The following IPO7 variants were observed in gnomAD, a reference collection of about 807,000 sequenced individuals.
IPO7 encodes the protein importin-7.
IPO7 carries 13 observed loss-of-function variants against 136.4 expected under a neutral mutation model. The ratio of observed to expected loss-of-function variants is 0.10; its 90% CI spans 0.06 to 0.15. The LOEUF (loss-of-function observed/expected upper bound fraction) is 0.15. IPO7 is among the 10% of genes least tolerant of loss of function. The pLI is 1.00. For missense variants in IPO7, 857 were observed against 1,240.6 expected, an observed-to-expected ratio of 0.69 and a Z score of 4.65; for synonymous variants, 403 against 404.4, an observed-to-expected ratio of 1.00 and a Z score of 0.04.
chr11:9,427,928 T>C (rs1007656818), intron 12 of IPO7, among the ~76,000 whole-genome samples: 7 of 152,228 alleles, frequency 4.6e-5, no homozygotes, highest in Non-Finnish European at 7.3e-5. Flanking sequence ...AAGTGTCTTA[T>C]GTTTTTAATG....
intron 12 of IPO7, among the ~76,000 whole-genome samples, chr11:9,426,675 T>C (rs1855213491): frequency 6.6e-6 from 1 of 152,246 alleles, no homozygotes; most frequent in South Asian, 2.1e-4. Context: ...AAATTTTTCA[T>C]GTGCTTACTA....
chr11:9,401,616 T>C (rs1011600362), intron 1 of IPO7, among the ~76,000 whole-genome samples: 2 of 152,034 alleles, frequency 1.3e-5, no homozygotes, highest in Non-Finnish European at 2.9e-5. Context: ...ATATGTAACC[T>C]TTTTGTACCA....
chr11:9,426,233 T>G (rs1855205433), intron 12 of IPO7, among the ~76,000 whole-genome samples: 1 of 152,120 alleles, frequency 6.6e-6, no homozygotes, highest in Non-Finnish European at 1.5e-5. Flanking sequence ...TTTCTATGGA[T>G]TTGTTTATTG....
At chr11:9,429,248 G>A in intron 14 of IPO7, 52 bp downstream of exon 14, 1 of 1,446,762 alleles carries the variant, frequency 6.9e-7, no homozygotes, top group Non-Finnish European at 9.6e-7. Context: ...GGTGCGGTAG[G>A]TCACACCTGT....
At chr11:9,405,214 G>A (rs1472184493) in intron 2 of IPO7, among the ~76,000 whole-genome samples, 1 of 151,704 alleles carries the variant, frequency 6.6e-6, no homozygotes, top group Non-Finnish European at 1.5e-5. Context: ...TTGCTCTGTC[G>A]CCCAGACTGG....
intron 2 of IPO7, among the ~76,000 whole-genome samples, chr11:9,407,951 T>G (rs978166290): frequency 6.6e-6 from 1 of 152,238 alleles, no homozygotes; most frequent in Non-Finnish European, 1.5e-5. Context: ...TAGCAATCTG[T>G]AATTTCTGAA....
chr11:9,425,783 G>A (rs1488077302), intron 12 of IPO7, among the ~76,000 whole-genome samples: 1 of 151,990 alleles, frequency 6.6e-6, no homozygotes, highest in Non-Finnish European at 1.5e-5. Flanking sequence ...GGAGGCTGAG[G>A]CAGGAGAATG....
rs373923953 is a variant in IPO7, at chr11:9,428,980, G to C, written c.1426-51G>C. On this transcript the variant is annotated intron_variant, in intron 13 of 24. Transcript: ENST00000379719. ...AACTCAGGGAATAGAGATTAGCTTG[G>C]GGGAATTTAAGGTAAGGTATCTACA... The C allele has an allele frequency of 2.1e-5, 31 of 1,497,832 alleles. No homozygotes were observed. The African/African-American group carries it at 3.9e-4, about 19-fold the overall frequency. 92.8% of individuals were successfully genotyped at this position (1,497,832 alleles called of 1,614,324 possible).
In IPO7 at chr11:9,433,849, G is replaced by A; in HGVS notation, c.2074+3G>A. On this transcript the variant is annotated splice_donor_region_variant and intron_variant, in intron 18 of 24. Coordinates refer to ENST00000379719, the MANE Select transcript of IPO7 (RefSeq NM_006391.3). The stretch of plus-strand genomic sequence containing the variant: ...AGATGGCTTTGATTACTTTACAGGT[G>A]AGTCAAAGCAGCATGGAAATACTGA... 1 of 1,608,658 alleles carries A rather than the reference G, an allele frequency of 6.2e-7. No individual in the cohort carries two copies. Among genetic ancestry groups the A allele is most frequent in the South Asian group, 1.1e-5 (1 of 90,888 alleles).
intron 15 of IPO7, 124 bp downstream of exon 15, chr11:9,429,958 T>C (rs1250029051): frequency 1.6e-6 from 1 of 622,554 alleles, no homozygotes; most frequent in Non-Finnish European, 2.7e-6. Context: ...CTGGGATCGG[T>C]TTCATGGAAG....
intron 24 of IPO7, among the ~76,000 whole-genome samples, chr11:9,443,891 C>T (rs1855492520): frequency 6.6e-6 from 1 of 151,706 alleles, no homozygotes; most frequent in Non-Finnish European, 1.5e-5. Flanking sequence ...CAGAGTGAGA[C>T]CCCGTCTCCA....
At chr11:9,411,111 G>A (rs567177594) in intron 4 of IPO7, among the ~76,000 whole-genome samples, 1 of 152,290 alleles carries the variant, frequency 6.6e-6, no homozygotes, top group South Asian at 2.1e-4. Context: ...AAATTGGAGA[G>A]AATAAAAACA....
In IPO7 at chr11:9,403,248, A is replaced by G. The variant is rs76499409; in HGVS notation, c.85-42A>G. The G allele has an allele frequency of 2.1e-4, 280 of 1,308,252 alleles. No homozygotes were observed. In the East Asian group the frequency reaches 2.8e-3, roughly 13 times the overall value. The allele number at this position is 1,308,252 out of a possible 1,614,324, so 81.0% of individuals were successfully genotyped here. ...TCTTTGATCTGTAATTTTAAAGTAT[A>G]TTTATTTGCAGAAGTTTAAAATGGA... is the stretch of plus-strand genomic sequence containing the variant. On this transcript the variant is annotated intron_variant, in intron 1 of 24. Transcript: ENST00000379719.
In IPO7 at chr11:9,425,199, T is replaced by A. The variant is rs1332916412; in HGVS notation, c.1272T>A (p.Ala424=). The A allele has an allele frequency of 6.2e-7, 1 of 1,612,478 alleles. No individual in the cohort carries two copies. Among genetic ancestry groups the A allele is most frequent in the African/African-American group, 1.3e-5 (1 of 75,002 alleles). The change falls in exon 12 of 25, where the codon GCT becomes GCA. Residue 424 remains alanine (A), a synonymous_variant. Transcript: ENST00000379719. The part of the protein sequence containing the change: ...FCYQILTEPN[A]DPRKKDGALH... ...ACCAGATTCTTACAGAACCAAATGC[T>A]GACCCTCGAAAAAAAGATGGAGCCC...
chr11:9,395,937 G>A (rs1256112550), intron 1 of IPO7, among the ~76,000 whole-genome samples: 1 of 151,024 alleles, frequency 6.6e-6, no homozygotes, highest in African/African-American at 2.4e-5. Flanking sequence ...TGGTCAGGCT[G>A]GTCTCGAACT....
Position 9,403,306 on chromosome 11 carries a change from A to G in IPO7, c.101A>G (p.Asn34Ser). 2 of 1,613,316 alleles carry G rather than the reference A, an allele frequency of 1.2e-6. No homozygotes were observed. The highest frequency in any genetic ancestry group is 1.7e-6 in the Non-Finnish European group (2 of 1,179,538). ...TCTTTGTAGGCACACAAGTCTCTGA[A>G]TTTTGTCTCAACACTGCTCCAGATT... ...RQLNEAHKSL[N>S]FVSTLLQITM... Residue 34 changes from asparagine (N) to serine (S), a missense_variant, in exon 2 of 25, where the codon AAT becomes AGT. Coordinates refer to ENST00000379719, the MANE Select transcript of IPO7 (RefSeq NM_006391.3).
chr11:9,438,353 G>T (rs953148370), intron 22 of IPO7, 68 bp downstream of exon 22: 6 of 1,015,046 alleles, frequency 5.9e-6, no homozygotes, highest in Non-Finnish European at 9.1e-6. Context: ...TGGGCCGGGC[G>T]CAGTGGCTCA....
intron 1 of IPO7, among the ~76,000 whole-genome samples, chr11:9,397,159 G>A (rs1590427726): frequency 6.7e-6 from 1 of 149,702 alleles, no homozygotes; most frequent in Non-Finnish European, 1.5e-5. Context: ...TTGCTTTGCT[G>A]CCCAGGCTGG....
intron 12 of IPO7, among the ~76,000 whole-genome samples, chr11:9,428,068 C>T (rs183102692): frequency 3.8e-4 from 58 of 151,368 alleles, no homozygotes; most frequent in Non-Finnish European, 7.2e-4. Flanking sequence ...TGCAGTGAGC[C>T]GAAATTGTGC....
Sources: allele counts gnomAD v4.1 joint callset (sites outside exome capture counted in the v4.1 genomes callset), GRCh38; gene constraint gnomAD v4.1.1; transcripts MANE v1.5; gene names NCBI Gene and HGNC (gene_info 2026-07-23, HGNC 2026-07-21).